The following JAKMIP1 variants were observed in gnomAD, a reference collection of about 807,000 sequenced individuals.
JAKMIP1 encodes janus kinase and microtubule interacting protein 1.
Under a neutral mutation model 113.0 loss-of-function variants are expected in JAKMIP1, and 33 were observed. The observed-to-expected ratio is 0.29, with a 90% CI of 0.22 to 0.39. The LOEUF (loss-of-function observed/expected upper bound fraction) is 0.39. Ranked by LOEUF, JAKMIP1 falls within the 10% of genes least tolerant of loss-of-function variation. The pLI is 1.00. For synonymous variants in JAKMIP1, 480 were observed against 459.9 expected (o/e 1.04, Z -0.56); for missense variants, 813 against 1,080.5 (o/e 0.75, Z 3.47).
chr4:6,170,769 A>C (rs1165851875), intron 1 of JAKMIP1, among the ~76,000 whole-genome samples: 2 of 68,388 alleles, frequency 2.9e-5, no homozygotes, highest in Admixed American at 1.4e-4. Flanking sequence ...CATCCCCATC[A>C]CCATCCCACC....
intron 3 of JAKMIP1, among the ~76,000 whole-genome samples, chr4:6,104,890 A>G (rs1713645254): frequency 6.6e-6 from 1 of 152,214 alleles, no homozygotes; most frequent in Non-Finnish European, 1.5e-5. Flanking sequence ...AGATGGCAGA[A>G]AAGTCCTACT....
rs542994768 is a variant in JAKMIP1, at chr4:6,162,904, C to A, written c.-148+37349G>T. Among the ~76,000 whole-genome samples, 1 of 152,210 alleles carries A rather than the reference C, an allele frequency of 6.6e-6. No homozygotes were observed. Among genetic ancestry groups the A allele is most frequent in the East Asian group, 1.9e-4 (1 of 5,198 alleles). On this transcript the variant is annotated intron_variant, in intron 1 of 20. Coordinates refer to ENST00000409021, the MANE Select transcript of JAKMIP1 (RefSeq NM_001099433.2). This position sits in a 1 kb window ranked among gnomAD's most constrained non-coding sequence, Gnocchi z 5.6. ...AAGAAAGCACATCTGTACTAGCCTG[C>A]GAGCAGCAAGGCTTCCAGGCAAAGC...
Position 6,193,199 on chromosome 4 carries a change from A to G in JAKMIP1, c.-148+7054T>C, listed in dbSNP as rs1248036001. 1.3e-5 allele frequency among the ~76,000 whole-genome samples: 2 copies of G among 152,104 alleles called. No homozygotes were observed. The highest frequency in any genetic ancestry group is 2.1e-4 in the South Asian group (1 of 4,824). On this transcript the variant is annotated intron_variant, in intron 1 of 20. Coordinates refer to ENST00000409021, the MANE Select transcript of JAKMIP1 (RefSeq NM_001099433.2). This position sits in a 1 kb window ranked among gnomAD's most constrained non-coding sequence, Gnocchi z 6.4. ...TCAGCTTTTGGACTCTTGGACCTACACCAGTGGTTTGCCAGGGGCTCTAAG... is the reference window on the plus strand; with the variant it reads ...TCAGCTTTTGGACTCTTGGACCTACGCCAGTGGTTTGCCAGGGGCTCTAAG...
rs143265121 is a variant in JAKMIP1 at position 6,095,884 on chromosome 4, G to A, written c.624+9589C>T. Reference sequence around the variant, plus strand: ...CCTTACAGAACTTGGATCCTAGTAGGGGAAAACACACAAGAAATAATCAAA... The same window carrying A: ...CCTTACAGAACTTGGATCCTAGTAGAGGAAAACACACAAGAAATAATCAAA... On this transcript the variant is annotated intron_variant, in intron 3 of 20. Transcript: ENST00000409021. 4.1e-3 allele frequency among the ~76,000 whole-genome samples: 625 copies of A among 152,214 alleles called. 10 individuals carry two copies. The highest frequency in any genetic ancestry group is 0.014 in the African/African-American group (586 of 41,524).
At chr4:6,048,030 C>A (rs1217813175) in intron 16 of JAKMIP1, among the ~76,000 whole-genome samples, 1 of 151,960 alleles carries the variant, frequency 6.6e-6, no homozygotes, top group Non-Finnish European at 1.5e-5. Context: ...CAATGGAAAA[C>A]CCTCAAAATA....
At chr4:6,033,201 G>A (rs1290852478) in intron 19 of JAKMIP1, among the ~76,000 whole-genome samples, 2 of 152,188 alleles carry the variant, frequency 1.3e-5, no homozygotes, top group South Asian at 2.1e-4. Context: ...GCTGGGCAGG[G>A]GACATCACTG....
At chr4:6,057,910 G>A (rs577694674) in intron 11 of JAKMIP1, among the ~76,000 whole-genome samples, 12 of 152,236 alleles carry the variant, frequency 7.9e-5, no homozygotes, top group East Asian at 1.9e-4. Flanking sequence ...GCACCTGGCC[G>A]GGAGCTGGCA....
At chr4:6,172,783 C>A (rs1326430378) in intron 1 of JAKMIP1, among the ~76,000 whole-genome samples, 1 of 152,072 alleles carries the variant, frequency 6.6e-6, no homozygotes, top group African/African-American at 2.4e-5. Context: ...AGATGCCCCA[C>A]CCTGCCCAAG....
Position 6,078,988 on chromosome 4 carries a change from C to G in JAKMIP1, c.1253G>C (p.Arg418Pro). Residue 418 changes from arginine to proline, a missense_variant, in exon 8 of 21, where the codon CGG (arginine) becomes CCG (proline). Physicochemically the swap from Arg to Pro is moderately radical, Grantham distance 103 (BLOSUM62 -2). This residue lies in a region of JAKMIP1 where 540 missense variants were observed against 653.9 expected (regional missense o/e 0.83). Transcript: ENST00000409021. ...VIDDLSLERERLLRSKRHRGK... is the reference protein window; with the variant it reads ...VIDDLSLEREPLLRSKRHRGK... ...TCGATGCCTTTTGGAGCGCAACAGC[C>G]GTTCTCTCTCCTAGAAGGAAACACA... The G allele has an allele frequency of 1.9e-6, 3 of 1,614,164 alleles. No homozygotes were observed. The highest frequency in any genetic ancestry group is 2.5e-6 in the Non-Finnish European group (3 of 1,180,032).
At chr4:6,060,673 T>C (rs1286066097) in intron 10 of JAKMIP1, among the ~76,000 whole-genome samples, 166 bp from the exon 11 acceptor site, 1 of 152,246 alleles carries the variant, frequency 6.6e-6, no homozygotes, top group African/African-American at 2.4e-5. Context: ...ACTAGAAGCA[T>C]GGCTCAGCTT....
At chr4:6,118,521 C>T (rs964925930) in intron 1 of JAKMIP1, among the ~76,000 whole-genome samples, 4 of 152,158 alleles carry the variant, frequency 2.6e-5, no homozygotes, top group East Asian at 1.9e-4. Context: ...GGTGGATATT[C>T]GCCAACCTTG....
intron 16 of JAKMIP1, among the ~76,000 whole-genome samples, chr4:6,047,484 C>A (rs567075444): frequency 1.1e-4 from 17 of 152,294 alleles, no homozygotes; most frequent in Non-Finnish European, 2.2e-4. Context: ...AGCCACCAGC[C>A]GGCCAGGTGT....
At chr4:6,132,641 C>CA (rs1245452327) in intron 1 of JAKMIP1, among the ~76,000 whole-genome samples, 1,320 of 38,162 alleles carry the variant, frequency 0.035, 10 homozygotes, top group African/African-American at 0.11. Context: ...GACATTGCCT[C>CA]AAAAATAAAA....
rs1361940427 is a variant in JAKMIP1 at position 6,192,782 on chromosome 4, T to A, written c.-148+7471A>T. 6.6e-6 allele frequency among the ~76,000 whole-genome samples: 1 copy of A among 152,074 alleles called. No individual in the cohort carries two copies. The highest frequency in any genetic ancestry group is 1.5e-5 in the Non-Finnish European group (1 of 68,030). On this transcript the variant is annotated intron_variant, in intron 1 of 20. Transcript: ENST00000409021. This position sits in a 1 kb window ranked among gnomAD's most constrained non-coding sequence, Gnocchi z 5.0. ...GAAATGAGAATAAAATCATTTCAGA[T>A]CATGATGATTCTCAAAAGCAAACAG...
In JAKMIP1 at chr4:6,194,089, A is replaced by G. The variant is rs1369059677; in HGVS notation, c.-148+6164T>C. 6.6e-6 allele frequency among the ~76,000 whole-genome samples: 1 copy of G among 152,102 alleles called. No individual in the cohort carries two copies. The highest frequency in any genetic ancestry group is 1.5e-5 in the Non-Finnish European group (1 of 68,034). On this transcript the variant is annotated intron_variant, in intron 1 of 20. Transcript: ENST00000409021. The surrounding 1 kb of genome is among the most constrained non-coding windows in gnomAD (Gnocchi z 7.4). ...TCTACATCTGTGAAATATCCAGAAC[A>G]GGCAAATCCAAGGAGACAGAGGGCA...
Position 6,187,687 on chromosome 4 carries a change from G to A in JAKMIP1, c.-148+12566C>T, listed in dbSNP as rs1726798047. On this transcript the variant is annotated intron_variant, in intron 1 of 20. Coordinates refer to ENST00000409021, the MANE Select transcript of JAKMIP1 (RefSeq NM_001099433.2). The surrounding 1 kb of genome is among the most constrained non-coding windows in gnomAD (Gnocchi z 4.2). The stretch of plus-strand genomic sequence containing the variant: ...CTTGGACTTCCCAGCCTCTAGAACT[G>A]TGAGAAATAAATTTCTATTGTTTAT... 6.6e-6 allele frequency among the ~76,000 whole-genome samples: 1 copy of A among 152,218 alleles called. No individual in the cohort carries two copies. Among genetic ancestry groups the A allele is most frequent in the Admixed American group, 6.5e-5 (1 of 15,276 alleles).
rs1009753972 is a variant in JAKMIP1, at chr4:6,059,585, C to A, written c.1644+839G>T. ...CTTGGCACCCTCACTGTTAGTGGGG[C>A]CACGTGACTGATGAATTTTGCTGAG... On this transcript the variant is annotated intron_variant, in intron 11 of 20. Transcript: ENST00000409021. The surrounding 1 kb of genome is among the most constrained non-coding windows in gnomAD (Gnocchi z 4.8). Among the ~76,000 whole-genome samples, 5 of 151,998 alleles carry A rather than the reference C, an allele frequency of 3.3e-5. No individual in the cohort carries two copies. The highest frequency in any genetic ancestry group is 4.8e-5 in the African/African-American group (2 of 41,378).
intron 8 of JAKMIP1, among the ~76,000 whole-genome samples, chr4:6,068,488 T>C (rs1718486166): frequency 2.0e-5 from 3 of 151,888 alleles, no homozygotes; most frequent in Non-Finnish European, 1.5e-5. Context: ...AGAGTTCCCA[T>C]AGCAGCAACG....
intron 1 of JAKMIP1, among the ~76,000 whole-genome samples, chr4:6,189,446 C>A (rs1877761): frequency 0.43 from 65,668 of 151,922 alleles, 14,375 homozygotes; most frequent in African/African-American, 0.47. Flanking sequence ...AATTTTTTTT[C>A]AGCGCAGAGT....
Sources: allele counts gnomAD v4.1 joint callset (sites outside exome capture counted in the v4.1 genomes callset), GRCh38; gene constraint gnomAD v4.1.1; regional missense constraint gnomAD v4.1.1; non-coding constraint Gnocchi (gnomAD v3.1); transcripts MANE v1.5; gene names NCBI Gene and HGNC (gene_info 2026-07-23, HGNC 2026-07-21).